The following HIPK1 variants were observed in gnomAD, a reference collection of about 807,000 sequenced individuals.
HIPK1 encodes the protein homeodomain-interacting protein kinase 1.
Under a neutral mutation model 117.1 loss-of-function variants are expected in HIPK1, and 28 were observed. The ratio of observed to expected loss-of-function variants is 0.24; its 90% CI spans 0.18 to 0.33. HIPK1 has a LOEUF of 0.33. HIPK1 is among the 10% of genes least tolerant of loss of function. HIPK1 has a pLI of 1.00. For missense variants in HIPK1, 1,122 were observed against 1,475.1 expected (o/e 0.76, Z 3.92); for synonymous variants, 605 against 562.5 (o/e 1.08, Z -1.07).
At chr1:113,947,122 A>G (rs1448024566) in intron 2 of HIPK1, among the ~76,000 whole-genome samples, 1 of 152,148 alleles carries the variant, frequency 6.6e-6, no homozygotes, top group Non-Finnish European at 1.5e-5. Flanking sequence ...ATATGCCAGT[A>G]TTATCAGCTC....
chr1:113,938,219 C>T (rs1379613523), intron 1 of HIPK1, among the ~76,000 whole-genome samples: 1 of 151,618 alleles, frequency 6.6e-6, no homozygotes, highest in Non-Finnish European at 1.5e-5. Flanking sequence ...ATCCTTCCAC[C>T]TTGGGTTCCT....
At position 113,948,555 on chromosome 1, in the gene HIPK1, A is replaced by AT. The variant is rs57302174; in HGVS notation, c.1077-4197dup. ...GGTGTGAACCGCCGTTTCTGGCCGTATTTTTTTTTTTTTTAAACTGCTTTC... is the reference window on the plus strand; with the variant it reads ...GGTGTGAACCGCCGTTTCTGGCCGTATTTTTTTTTTTTTTTAAACTGCTTTC... On this transcript the variant is annotated intron_variant, in intron 2 of 15. Coordinates refer to ENST00000426820, the MANE Select transcript of HIPK1 (RefSeq NM_198268.3). Among the ~76,000 whole-genome samples, 263 of 139,794 alleles carry AT rather than the reference A, an allele frequency of 1.9e-3. 1 individual carries two copies. Among genetic ancestry groups the AT allele is most frequent in the South Asian group, 6.1e-3 (27 of 4,408 alleles). 91.7% of individuals were successfully genotyped at this position (139,794 alleles called of 152,430 possible).
chr1:113,971,550 A>C (rs1346650884), intron 14 of HIPK1, among the ~76,000 whole-genome samples: 1 of 152,222 alleles, frequency 6.6e-6, no homozygotes, highest in Non-Finnish European at 1.5e-5. Context: ...GTCTTAGCAT[A>C]TTTGTATTTC....
chr1:113,932,025 A>G (rs1298437364), intron 1 of HIPK1, among the ~76,000 whole-genome samples: 1 of 152,206 alleles, frequency 6.6e-6, no homozygotes, highest in Non-Finnish European at 1.5e-5. Flanking sequence ...TACCACTTCA[A>G]CAATCACTGG....
At position 113,973,527 on chromosome 1, in the gene HIPK1, G is replaced by A. The variant is rs761141791; in HGVS notation, c.*15G>A. On this transcript the variant is annotated 3_prime_UTR_variant, in exon 16 of 16. Coordinates refer to ENST00000426820, the MANE Select transcript of HIPK1 (RefSeq NM_198268.3). The stretch of plus-strand genomic sequence containing the variant: ...CCTACTTATAGTTGGTGAGCATGAG[G>A]GAGGAGGAATCATGGCTACCTTCTC... The A allele has an allele frequency of 3.2e-6, 5 of 1,557,286 alleles. No homozygotes were observed. Among genetic ancestry groups the A allele is most frequent in the South Asian group, 1.2e-5 (1 of 81,518 alleles).
intron 1 of HIPK1, 89 bp from the exon 2 acceptor site, chr1:113,940,293 T>A: frequency 8.4e-7 from 1 of 1,186,244 alleles, no homozygotes; most frequent in South Asian, 1.5e-5. Flanking sequence ...TTTTATCAAG[T>A]AAAAGTGTGT....
At chr1:113,940,306 G>T in intron 1 of HIPK1, 76 bp from the exon 2 acceptor site, 8 of 1,216,906 alleles carry the variant, frequency 6.6e-6, no homozygotes, top group Non-Finnish European at 9.3e-6. Context: ...AAGTGTGTGT[G>T]TGTGTTTGTG....
At chr1:113,930,028 C>T (rs756493) in intron 1 of HIPK1, 265,228 of 984,876 alleles carry the variant, frequency 0.27, 35,893 homozygotes, top group African/African-American at 0.33. Context: ...GCCGGCTCTC[C>T]TGGAGCGCCC....
intron 8 of HIPK1, among the ~76,000 whole-genome samples, chr1:113,959,338 C>T (rs553026761): frequency 3.9e-5 from 6 of 152,002 alleles, no homozygotes; most frequent in South Asian, 2.1e-4. Flanking sequence ...AGAGCAATAG[C>T]GATATAAACC....
chr1:113,939,908 C>G (rs1252594745), intron 1 of HIPK1, among the ~76,000 whole-genome samples: 1 of 151,198 alleles, frequency 6.6e-6, no homozygotes, highest in East Asian at 1.9e-4. Flanking sequence ...GCTAACTTTC[C>G]TCGGTTCTTC....
At chr1:113,943,729 T>C (rs1451928240) in intron 2 of HIPK1, among the ~76,000 whole-genome samples, 2 of 152,234 alleles carry the variant, frequency 1.3e-5, no homozygotes, top group Admixed American at 6.5e-5. Flanking sequence ...GGCTGCACTA[T>C]TTTACATTCC....
At chr1:113,932,873 AGAGCC>A (rs1177621537) in intron 1 of HIPK1, among the ~76,000 whole-genome samples, 9 of 152,170 alleles carry the variant, frequency 5.9e-5, no homozygotes, top group Non-Finnish European at 1.2e-4. Context: ...TTCTTCTGAA[AGAGCC>A]TCCTCCATCT....
At chr1:113,957,000 A>T (rs543252968) in intron 6 of HIPK1, 124 bp from the exon 7 acceptor site, 1 of 929,322 alleles carries the variant, frequency 1.1e-6, no homozygotes, top group African/African-American at 1.7e-5. Flanking sequence ...GATTATACAA[A>T]TTCTTGATTT....
intron 2 of HIPK1, among the ~76,000 whole-genome samples, chr1:113,950,106 A>T (rs1571684711): frequency 6.6e-6 from 1 of 152,158 alleles, no homozygotes; most frequent in South Asian, 2.1e-4. Context: ...TTATGTATAA[A>T]TACTAGGGGA....
rs1670653508 is a variant in HIPK1 at position 113,941,788 on chromosome 1, C to T, written c.1076+329C>T. 6.6e-6 allele frequency among the ~76,000 whole-genome samples: 1 copy of T among 152,056 alleles called. No homozygotes were observed. The highest frequency in any genetic ancestry group is 2.1e-4 in the South Asian group (1 of 4,826). On this transcript the variant is annotated intron_variant, in intron 2 of 15. Coordinates refer to ENST00000426820, the MANE Select transcript of HIPK1 (RefSeq NM_198268.3). The surrounding 1 kb of genome is among the most constrained non-coding windows in gnomAD (Gnocchi z 4.9). ...TTATTTATTTATTTAGAGACAGAAT[C>T]TCGCTCTGTCGCCCAGGCTGGAGTG...
At position 113,958,261 on chromosome 1, in the gene HIPK1, A is replaced by G. The variant is rs748101342; in HGVS notation, c.1951A>G (p.Thr651Ala). Residue 651 changes from threonine (T) to alanine (A), a missense_variant, in exon 8 of 16, where the codon ACA becomes GCA. Transcript: ENST00000426820. The part of the protein sequence containing the change: ...ICTQTDPFQQ[T>A]FIVCPPAFQT... ...CACTCAGACAGATCCATTCCAACAG[A>G]CATTTATAGTATGTCCACCTGCGTT... 4 of 1,614,090 alleles carry G rather than the reference A, an allele frequency of 2.5e-6. No homozygotes were observed. The East Asian group carries it at 6.7e-5, about 27-fold the overall frequency.
intron 1 of HIPK1, among the ~76,000 whole-genome samples, chr1:113,939,155 AT>A (rs970309307): frequency 1.3e-5 from 2 of 151,012 alleles, no homozygotes; most frequent in African/African-American, 4.9e-5. Flanking sequence ...GACATCCCTA[AT>A]TTTTTTTCTT....
chr1:113,951,070 A>G (rs1464474107), intron 2 of HIPK1: 2 of 221,036 alleles, frequency 9.0e-6, no homozygotes, highest in African/African-American at 2.3e-5. Context: ...TGACATCATA[A>G]TAATACTTTG....
intron 8 of HIPK1, among the ~76,000 whole-genome samples, chr1:113,960,519 C>T (rs538403626): frequency 2.2e-3 from 331 of 152,074 alleles, no homozygotes; most frequent in Non-Finnish European, 1.8e-3. Flanking sequence ...GCTTTATCAC[C>T]CTGGGGGCTA....
Sources: allele counts gnomAD v4.1 joint callset (sites outside exome capture counted in the v4.1 genomes callset), GRCh38; gene constraint gnomAD v4.1.1; non-coding constraint Gnocchi (gnomAD v3.1); transcripts MANE v1.5; gene names NCBI Gene and HGNC (gene_info 2026-07-23, HGNC 2026-07-21).